PPARGC1B: variants seen among roughly 807,000 people sequenced by gnomAD.
PPARGC1B encodes PPARG coactivator 1 beta, also known as peroxisome proliferator-activated receptor gamma coactivator 1-beta.
A neutral mutation model predicts 101.6 loss-of-function variants in PPARGC1B; 34 were observed. The ratio of observed to expected loss-of-function variants is 0.33; its 90% CI spans 0.25 to 0.45. The LOEUF (loss-of-function observed/expected upper bound fraction) is 0.45, where lower values mean the gene tolerates loss of function less well. PPARGC1B is among the 20% of genes least tolerant of loss of function. PPARGC1B has a pLI of 1.00. For synonymous variants in PPARGC1B, 548 were observed against 539.3 expected (o/e 1.02, Z -0.22); for missense variants, 1,234 against 1,317.6 (o/e 0.94, Z 0.98).
chr5:149,802,125 A>G (rs993242556), intron 1 of PPARGC1B, among the ~76,000 whole-genome samples: 4 of 152,086 alleles, frequency 2.6e-5, no homozygotes, highest in Non-Finnish European at 5.9e-5. Flanking sequence ...GACCCTTCTC[A>G]GGACTTGGCC....
intron 1 of PPARGC1B, among the ~76,000 whole-genome samples, chr5:149,750,412 A>G (rs1755242808): frequency 6.8e-6 from 1 of 148,038 alleles, no homozygotes; most frequent in African/African-American, 2.5e-5. Context: ...TAAAATCTAT[A>G]AAACAAACTT....
Position 149,799,690 on chromosome 5 carries a change from G to GTTTTTTTTTTTTTT in PPARGC1B, c.79-20741_79-20740insTTTTTTTTTTTTTT, listed in dbSNP as rs369350284. Among the ~76,000 whole-genome samples the GTTTTTTTTTTTTTT allele has an allele frequency of 1.2e-3, 76 of 65,046 alleles. 3 individuals carry two copies. The highest frequency in any genetic ancestry group is 2.2e-3 in the African/African-American group (41 of 18,708). The allele number at this position is 65,046 out of a possible 152,430, so 42.7% of individuals were successfully genotyped here. On this transcript the variant is annotated intron_variant, in intron 1 of 11. Transcript: ENST00000309241. ...TTTTTTGTTTGTTTGTTTGCTTGTT[G>GTTTTTTTTTTTTTT]TTGTTTTTTTTTTTTTTTTTTTTTG...
At chr5:149,733,699 G>A (rs1036098475) in intron 1 of PPARGC1B, among the ~76,000 whole-genome samples, 1 of 152,082 alleles carries the variant, frequency 6.6e-6, no homozygotes, top group Non-Finnish European at 1.5e-5. Flanking sequence ...AGCGAGTGTG[G>A]GAGAGAGGAA....
chr5:149,808,770 C>T (rs535711419), intron 1 of PPARGC1B, among the ~76,000 whole-genome samples: 24 of 152,314 alleles, frequency 1.6e-4, no homozygotes, highest in Admixed American at 4.6e-4. Flanking sequence ...TGAGCACCTA[C>T]TATGTGCCAG....
rs1017834094 is a variant in PPARGC1B, at chr5:149,836,816, G to A, written c.2361G>A (p.Glu787=). Residue 787 remains glutamate (E), a synonymous_variant, in exon 8 of 12, where the codon GAG becomes GAA. Transcript: ENST00000309241. The part of the protein sequence containing the change: ...EEDLASCKSP[E]YDTVFEDSSS... ...ACCTGGCCTCCTGCAAGAGCCCTGA[G>A]TATGACACTGTCTTTGAAGACAGCA... 1.2e-6 allele frequency: 2 copies of A among 1,613,506 alleles called. No individual in the cohort carries two copies. Among genetic ancestry groups the A allele is most frequent in the Non-Finnish European group, 1.7e-6 (2 of 1,180,034 alleles).
At chr5:149,857,169 A>T (rs1759976551), downstream of PPARGC1B, among the ~76,000 whole-genome samples, 1 of 152,188 alleles carries the variant, frequency 6.6e-6, no homozygotes, top group African/African-American at 2.4e-5. Context: ...TCACCATGTG[A>T]TAAATGGAGC....
rs1174720078 is a variant in PPARGC1B at position 149,850,894 on chromosome 5, G to C, written c.*3336G>C. 6.6e-6 allele frequency: 1 copy of C among 152,148 alleles called. No individual in the cohort carries two copies. Among genetic ancestry groups the C allele is most frequent in the Non-Finnish European group, 1.5e-5 (1 of 68,036 alleles). The allele number at this position is 152,148 out of a possible 1,614,324, so 9.4% of individuals were successfully genotyped here. A position where few individuals can be genotyped will look rare whatever the true frequency, so the allele number is the denominator to read the frequency against. Reference sequence around the variant, plus strand: ...TGAATCAGAATCCCCATTCTCGGGGGCTCTGGTTACCGAAGGAAAATGCAT... The same window carrying C: ...TGAATCAGAATCCCCATTCTCGGGGCCTCTGGTTACCGAAGGAAAATGCAT... On this transcript the variant is annotated 3_prime_UTR_variant, in exon 12 of 12. Transcript: ENST00000309241.
chr5:149,823,036 C>T (rs1392739396), intron 2 of PPARGC1B, among the ~76,000 whole-genome samples: 1 of 152,260 alleles, frequency 6.6e-6, no homozygotes, highest in Non-Finnish European at 1.5e-5. Flanking sequence ...AGGGTTGACA[C>T]TTCCTCAGGG....
rs1342530283 is a variant in PPARGC1B at position 149,848,549 on chromosome 5, A to G, written c.*991A>G. 1 of 152,240 alleles carries G rather than the reference A, an allele frequency of 6.6e-6. No individual in the cohort carries two copies. The highest frequency in any genetic ancestry group is 1.5e-5 in the Non-Finnish European group (1 of 68,052). 9.4% of individuals were successfully genotyped at this position (152,240 alleles called of 1,614,324 possible). A position where few individuals can be genotyped will look rare whatever the true frequency, so the allele number is the denominator to read the frequency against. Reference sequence around the variant, plus strand: ...GTTCGGCTAAATTGGGCACCGGGCTAGAAGCCTAAGGGCTCATTTTAGGGG... The same window carrying G: ...GTTCGGCTAAATTGGGCACCGGGCTGGAAGCCTAAGGGCTCATTTTAGGGG... On this transcript the variant is annotated 3_prime_UTR_variant, in exon 12 of 12. Coordinates refer to ENST00000309241, the MANE Select transcript of PPARGC1B (RefSeq NM_133263.4).
At chr5:149,819,341 A>C (rs943953972) in intron 1 of PPARGC1B, among the ~76,000 whole-genome samples, 1 of 151,980 alleles carries the variant, frequency 6.6e-6, no homozygotes, top group Non-Finnish European at 1.5e-5. Flanking sequence ...CTTGATTTTT[A>C]CTTTCTTTAC....
At chr5:149,845,990 A>G (rs1369743803) in intron 11 of PPARGC1B, 76 bp downstream of exon 11, 3 of 1,578,612 alleles carry the variant, frequency 1.9e-6, no homozygotes, top group Non-Finnish European at 2.6e-6. Flanking sequence ...AACAAAACCC[A>G]GAGCTAAAGC....
At chr5:149,777,401 C>T (rs1756406139) in intron 1 of PPARGC1B, among the ~76,000 whole-genome samples, 1 of 151,882 alleles carries the variant, frequency 6.6e-6, no homozygotes, top group Non-Finnish European at 1.5e-5. Flanking sequence ...ACTCTCCTAC[C>T]TCCTTCCAAA....
chr5:149,746,289 C>G (rs966494470), intron 1 of PPARGC1B, among the ~76,000 whole-genome samples: 1 of 152,188 alleles, frequency 6.6e-6, no homozygotes, highest in African/African-American at 2.4e-5. Context: ...AAATGACCAC[C>G]ATTCTACTTT....
intron 1 of PPARGC1B, among the ~76,000 whole-genome samples, chr5:149,765,246 C>T (rs942720453): frequency 4.6e-5 from 7 of 152,186 alleles, no homozygotes; most frequent in African/African-American, 1.4e-4. Context: ...ATCGGGACCT[C>T]GGTTACCATT....
Position 149,849,873 on chromosome 5 carries a change from G to A in PPARGC1B, c.*2315G>A, listed in dbSNP as rs1759707571. The A allele has an allele frequency of 6.6e-6, 1 of 152,224 alleles. No homozygotes were observed. Among genetic ancestry groups the A allele is most frequent in the African/African-American group, 2.4e-5 (1 of 41,446 alleles). 9.4% of individuals were successfully genotyped at this position (152,224 alleles called of 1,614,324 possible). A position where few individuals can be genotyped will look rare whatever the true frequency, so the allele number is the denominator to read the frequency against. ...AGGGCTTAGGAAGATGGACCAAAAA[G>A]GGACTTCCCACAGCACAGACCTGAT... On this transcript the variant is annotated 3_prime_UTR_variant, in exon 12 of 12. Coordinates refer to ENST00000309241, the MANE Select transcript of PPARGC1B (RefSeq NM_133263.4).
chr5:149,838,245 T>C (rs962700666), intron 8 of PPARGC1B, among the ~76,000 whole-genome samples: 4 of 152,188 alleles, frequency 2.6e-5, no homozygotes, highest in African/African-American at 9.6e-5. Flanking sequence ...AAAATGTGCA[T>C]ACACATCTAA....
At position 149,837,410 on chromosome 5, in the gene PPARGC1B, T is replaced by G. The variant is rs1322102386; in HGVS notation, c.2618+337T>G. 6.6e-6 allele frequency among the ~76,000 whole-genome samples: 1 copy of G among 152,226 alleles called. No individual in the cohort carries two copies. The highest frequency in any genetic ancestry group is 1.5e-5 in the Non-Finnish European group (1 of 68,036). On this transcript the variant is annotated intron_variant, in intron 8 of 11. Coordinates refer to ENST00000309241, the MANE Select transcript of PPARGC1B (RefSeq NM_133263.4). This position sits in a 1 kb window ranked among gnomAD's most constrained non-coding sequence, Gnocchi z 4.2. ...CCATTTGTACTTTTTGCTTTTATGT[T>G]TGTAAAATGGATAAGTTTTTGTGCA...
chr5:149,769,758 A>AT (rs1756054285), intron 1 of PPARGC1B, among the ~76,000 whole-genome samples: 1 of 151,964 alleles, frequency 6.6e-6, no homozygotes, highest in African/African-American at 2.4e-5. Context: ...GAGAGAAGCC[A>AT]TTTTCTGGCC....
At chr5:149,809,002 A>C (rs1280301435) in intron 1 of PPARGC1B, among the ~76,000 whole-genome samples, 1 of 152,142 alleles carries the variant, frequency 6.6e-6, no homozygotes, top group Non-Finnish European at 1.5e-5. Context: ...TGGGCCAGGC[A>C]TGGTGGCTCA....
Sources: gnomAD v4.1 joint callset for allele counts (sites outside exome capture counted in the v4.1 genomes callset) on GRCh38, gnomAD v4.1.1 for gene constraint, Gnocchi (gnomAD v3.1) non-coding constraint, MANE v1.5 for transcripts, NCBI Gene and HGNC (gene_info 2026-07-23, HGNC 2026-07-21) for gene names.